The following SLIT3 variants were observed in gnomAD, a reference collection of about 807,000 sequenced individuals.
SLIT3 encodes the protein slit homolog 3 protein.
SLIT3 carries 68 observed loss-of-function variants against 184.0 expected under a neutral mutation model. The observed-to-expected ratio is 0.37, with a 90% CI of 0.30 to 0.45. SLIT3 has a LOEUF of 0.45. Among genes scored for constraint, SLIT3 ranks in the 20% least tolerant of loss-of-function variants. SLIT3 has a pLI of 1.00. For missense variants in SLIT3, 1,707 were observed against 2,026.0 expected (o/e 0.84, Z 3.02); for synonymous variants, 831 against 828.6 (o/e 1.00, Z -0.05).
chr5:169,193,540 T>C lies in SLIT3; in HGVS notation c.352A>G (p.Lys118Glu). The C allele has an allele frequency of 6.2e-7, 1 of 1,614,054 alleles. No homozygotes were observed. The highest frequency in any genetic ancestry group is 2.2e-5 in the East Asian group (1 of 44,878). The change falls in exon 4 of 36, where the codon AAG (lysine) becomes GAG (glutamate). Residue 118 changes from lysine to glutamate, a missense_variant. This residue lies in a region of SLIT3 where 1,307 missense variants were observed against 1,511.6 expected (regional missense o/e 0.86). Coordinates refer to ENST00000519560, the MANE Select transcript of SLIT3 (RefSeq NM_003062.4). ...LKQLERLRLN[K>E]NKLQVLPELL... ...TCTGGAAGGACTTGCAGCTTATTCT[T>C]GTTCAGGCGCCTAAAGAGGAAAGAG...
intron 4 of SLIT3, among the ~76,000 whole-genome samples, chr5:169,021,131 G>A (rs1200217022): frequency 1.3e-5 from 2 of 152,156 alleles, no homozygotes; most frequent in Admixed American, 1.3e-4. Context: ...TAGTTCTTCT[G>A]TCTATAGATA....
At chr5:168,782,807 T>C (rs1756019731) in intron 12 of SLIT3, among the ~76,000 whole-genome samples, 1 of 152,148 alleles carries the variant, frequency 6.6e-6, no homozygotes, top group Non-Finnish European at 1.5e-5. Flanking sequence ...ACAGATTACC[T>C]TGCATCCCCC....
At chr5:169,289,149 C>G (rs762936638) in intron 1 of SLIT3, among the ~76,000 whole-genome samples, 1 of 152,178 alleles carries the variant, frequency 6.6e-6, no homozygotes, top group Non-Finnish European at 1.5e-5. Context: ...TCAGACAGGT[C>G]GGGCAGTTAG....
intron 4 of SLIT3, among the ~76,000 whole-genome samples, chr5:168,941,241 T>G (rs1044805764): frequency 4.4e-4 from 67 of 152,298 alleles, no homozygotes; most frequent in African/African-American, 1.6e-3. Flanking sequence ...TGAATTCTAA[T>G]TGGTCTGTGG....
Position 168,666,250 on chromosome 5 carries a change from A to ATAAT in SLIT3, c.*200_*203dup. ...TACGCAGATGGTGTAATATATTTATATAATAAAAGATGAAAATAGTCACTT... is the reference window on the plus strand; with the variant it reads ...TACGCAGATGGTGTAATATATTTATATAATTAATAAAAGATGAAAATAGTCACTT... On this transcript the variant is annotated 3_prime_UTR_variant, in exon 36 of 36. Transcript: ENST00000519560. 2.1e-6 allele frequency: 1 copy of ATAAT among 473,790 alleles called. No individual in the cohort carries two copies. Among genetic ancestry groups the ATAAT allele is most frequent in the South Asian group, 5.4e-5 (1 of 18,532 alleles). 29.3% of individuals were successfully genotyped at this position (473,790 alleles called of 1,614,324 possible).
At chr5:168,764,079 T>C (rs973135269) in intron 14 of SLIT3, among the ~76,000 whole-genome samples, 3 of 152,196 alleles carry the variant, frequency 2.0e-5, no homozygotes, top group African/African-American at 7.2e-5. Context: ...GGGAATCAAA[T>C]AACTGCCCTT....
chr5:168,947,601 A>G (rs1762522185), intron 4 of SLIT3, among the ~76,000 whole-genome samples: 1 of 152,130 alleles, frequency 6.6e-6, no homozygotes, highest in African/African-American at 2.4e-5. Flanking sequence ...TGGCTGACAG[A>G]GGCACCAGGG....
At chr5:169,137,968 T>C (rs1328857155) in intron 4 of SLIT3, among the ~76,000 whole-genome samples, 3 of 152,038 alleles carry the variant, frequency 2.0e-5, no homozygotes, top group Non-Finnish European at 4.4e-5. Context: ...GTGGGACATG[T>C]GATTTAACAG....
Position 168,666,319 on chromosome 5 carries a change from T to C in SLIT3, c.*135A>G. On this transcript the variant is annotated 3_prime_UTR_variant, in exon 36 of 36. Transcript: ENST00000519560. ...TCTATTTTTTGTTTATTTTACAATA[T>C]ACTTAATATTCTCTTCTTCTTTACC... 1.3e-6 allele frequency: 1 copy of C among 776,224 alleles called. No individual in the cohort carries two copies. The highest frequency in any genetic ancestry group is 1.9e-6 in the Non-Finnish European group (1 of 528,318). 48.1% of individuals were successfully genotyped at this position (776,224 alleles called of 1,614,324 possible). A position where few individuals can be genotyped will look rare whatever the true frequency, so the allele number is the denominator to read the frequency against.
In SLIT3 at chr5:168,772,771, A is replaced by G; in HGVS notation, c.1459+10T>C. 6.2e-7 allele frequency: 1 copy of G among 1,614,066 alleles called. No individual in the cohort carries two copies. The highest frequency in any genetic ancestry group is 8.5e-7 in the Non-Finnish European group (1 of 1,180,000). ...TCAGAAAGCGGGGCCCAGCCCCGTA[A>G]CCTGATTACCTGAGCAGCGGAACTT... On this transcript the variant is annotated intron_variant, in intron 14 of 35. Transcript: ENST00000519560.
At chr5:168,921,306 C>T (rs1399205657) in intron 4 of SLIT3, among the ~76,000 whole-genome samples, 1 of 152,200 alleles carries the variant, frequency 6.6e-6, no homozygotes, top group Non-Finnish European at 1.5e-5. Context: ...CTCCAAGGCG[C>T]ATACCCAGGC....
chr5:168,671,507 T>G, intron 33 of SLIT3, 24 bp from the exon 34 acceptor site: 1 of 1,597,476 alleles, frequency 6.3e-7, no homozygotes, highest in African/African-American at 1.3e-5. Flanking sequence ...GCCAGGACAG[T>G]GGCCTGAAGA....
intron 4 of SLIT3, among the ~76,000 whole-genome samples, chr5:169,014,777 C>T (rs190324420): frequency 2.0e-5 from 3 of 152,054 alleles, no homozygotes; most frequent in African/African-American, 4.8e-5. Flanking sequence ...ATGGTGAAAC[C>T]CTGTCTCTAC....
chr5:168,895,538 G>C (rs774568898), intron 4 of SLIT3, among the ~76,000 whole-genome samples: 9 of 152,298 alleles, frequency 5.9e-5, no homozygotes, highest in Non-Finnish European at 1.0e-4. Flanking sequence ...ACCAAAGCAG[G>C]AAAGCAATTC....
chr5:169,122,556 A>T (rs568978834), intron 4 of SLIT3, among the ~76,000 whole-genome samples: 1 of 152,180 alleles, frequency 6.6e-6, no homozygotes, highest in African/African-American at 2.4e-5. Context: ...CTGTAAAGCT[A>T]TATCAGTTTC....
intron 4 of SLIT3, among the ~76,000 whole-genome samples, chr5:169,161,074 C>T (rs529528823): frequency 9.1e-4 from 139 of 152,318 alleles, no homozygotes; most frequent in African/African-American, 3.1e-3. Flanking sequence ...CTCCTACATA[C>T]GTCCCCACCC....
rs534150406 is a variant in SLIT3, at chr5:168,787,693, T to C, written c.1080-1715A>G. On this transcript the variant is annotated intron_variant, in intron 11 of 35. Transcript: ENST00000519560. ...CTCCCTTGCATGTAGGCCCCATGAG[T>C]GTAGTAACGTTACATGGCTGTTCAT... Among the ~76,000 whole-genome samples the C allele has an allele frequency of 3.3e-5, 5 of 152,232 alleles. No homozygotes were observed. The South Asian group carries it at 1.0e-3, about 32-fold the overall frequency.
rs112958418 is a variant in SLIT3, at chr5:169,077,487, C to T, written c.413+115992G>A. ...TCAGAGGGCGGAGGTTGCAGTGAGC[C>T]GAGATCACACCACTGCACTCCAGCC... On this transcript the variant is annotated intron_variant, in intron 4 of 35. Transcript: ENST00000519560. Among the ~76,000 whole-genome samples, 453 of 151,598 alleles carry T rather than the reference C, an allele frequency of 3.0e-3. 6 individuals carry two copies. The highest frequency in any genetic ancestry group is 9.9e-3 in the African/African-American group (410 of 41,280).
chr5:169,094,985 T>C (rs1352914396), intron 4 of SLIT3, among the ~76,000 whole-genome samples: 1 of 152,172 alleles, frequency 6.6e-6, no homozygotes, highest in Non-Finnish European at 1.5e-5. Context: ...GGATGGCTCA[T>C]GACTCACGGT....
Sources: gnomAD v4.1 joint callset for allele counts (sites outside exome capture counted in the v4.1 genomes callset) on GRCh38, gnomAD v4.1.1 for gene constraint, gnomAD v4.1.1 regional missense constraint, MANE v1.5 for transcripts, NCBI Gene and HGNC (gene_info 2026-07-23, HGNC 2026-07-21) for gene names.